Variants in GPATCH2 observed in about 807,000 individuals in gnomAD.
GPATCH2 encodes G-patch domain containing 2.
In GPATCH2, 51 loss-of-function variants were observed where a neutral mutation model predicts 58.0. That is an observed-to-expected ratio of 0.88 (90% CI 0.70 to 1.11). The LOEUF (loss-of-function observed/expected upper bound fraction) is 1.11. Ranked by LOEUF, GPATCH2 falls within the 50% of genes most tolerant of loss-of-function variation. The pLI is 0.00. For synonymous variants in GPATCH2, 222 were observed against 218.5 expected, an observed-to-expected ratio of 1.02 and a Z score of -0.14; for missense variants, 625 against 652.2, an observed-to-expected ratio of 0.96 and a Z score of 0.45.
At position 217,527,287 on chromosome 1, in the gene GPATCH2, C is replaced by G. The variant is rs536876613; in HGVS notation, c.1099-12398G>C. Among the ~76,000 whole-genome samples, 13 of 152,218 alleles carry G rather than the reference C, an allele frequency of 8.5e-5. No homozygotes were observed. The South Asian group carries it at 2.5e-3, about 29-fold the overall frequency. On this transcript the variant is annotated intron_variant, in intron 5 of 9. Transcript: ENST00000366935. ...CTGGTGTCAAAAAGGTTGGAAAGCA[C>G]TGGTTTATAAAGTCGGTCAGGTAGC...
At chr1:217,595,342 A>T (rs1180030747) in intron 5 of GPATCH2, among the ~76,000 whole-genome samples, 1 of 152,214 alleles carries the variant, frequency 6.6e-6, no homozygotes, top group East Asian at 1.9e-4. Flanking sequence ...TGAAAAATTC[A>T]CAAGTAATGT....
chr1:217,629,226 GTCATACA>G (rs748011563), intron 1 of GPATCH2, among the ~76,000 whole-genome samples: 28,167 of 149,036 alleles, frequency 0.19, 2,921 homozygotes, highest in Middle Eastern at 0.24. Flanking sequence ...ATTCCAGATA[GTCATACA>G]GATAGTCATA....
chr1:217,449,127 T>TAC (rs1485654181), intron 9 of GPATCH2, 122 bp downstream of exon 9: 1 of 661,006 alleles, frequency 1.5e-6, no homozygotes, highest in Non-Finnish European at 2.7e-6. Flanking sequence ...TGATTTGTTT[T>TAC]CATAGTTTCT....
chr1:217,623,626 G>C (rs1163479677), intron 1 of GPATCH2, among the ~76,000 whole-genome samples: 3 of 152,126 alleles, frequency 2.0e-5, no homozygotes, highest in Non-Finnish European at 4.4e-5. Context: ...TTTAGGCTGG[G>C]GGCGGTGGCT....
At chr1:217,523,005 CAT>C (rs1433442145) in intron 5 of GPATCH2, among the ~76,000 whole-genome samples, 1 of 151,688 alleles carries the variant, frequency 6.6e-6, no homozygotes, top group African/African-American at 2.4e-5. Context: ...ATCTTGGAAA[CAT>C]AGTAATCCAA....
intron 3 of GPATCH2, 78 bp downstream of exon 3, chr1:217,614,063 T>TATG: frequency 1.2e-6 from 1 of 827,826 alleles, no homozygotes; most frequent in African/African-American, 1.7e-5. Flanking sequence ...GTCATCAACT[T>TATG]ATGAAATAAC....
At chr1:217,432,691 T>A (rs1658598918) in intron 9 of GPATCH2, among the ~76,000 whole-genome samples, 1 of 152,170 alleles carries the variant, frequency 6.6e-6, no homozygotes, top group South Asian at 2.1e-4. Context: ...TTTCTTATGG[T>A]TACTCCCCTT....
Position 217,449,259 on chromosome 1 carries a change from A to T in GPATCH2, c.1356T>A (p.Pro452=). 2 of 1,580,152 alleles carry T rather than the reference A, an allele frequency of 1.3e-6. No homozygotes were observed. Residue 452 remains proline (P), a synonymous_variant, in exon 9 of 10, where the codon CCT becomes CCA. Transcript: ENST00000366935. ...CTGCTTTTGTTTTACCTGCAGTAGT[A>T]GGTCCAGGCAAAGGTGCAGCTTTTC... The part of the protein sequence containing the change: ...RRRKAAPLPG[P]TTAGFVGENA...
intron 8 of GPATCH2, among the ~76,000 whole-genome samples, chr1:217,487,900 G>A (rs1377997317): frequency 2.0e-5 from 3 of 151,968 alleles, no homozygotes; most frequent in African/African-American, 4.8e-5. Context: ...ACACCACCAC[G>A]CCTAGCTAAT....
chr1:217,539,138 T>C (rs941059407), intron 5 of GPATCH2, among the ~76,000 whole-genome samples: 2 of 152,130 alleles, frequency 1.3e-5, no homozygotes, highest in African/African-American at 2.4e-5. Flanking sequence ...ACTACAATTT[T>C]TTCCTTAGTA....
rs555815899 is a variant in GPATCH2, at chr1:217,596,543, G to A, written c.1098+13778C>T. Among the ~76,000 whole-genome samples the A allele has an allele frequency of 4.6e-5, 7 of 152,026 alleles. No individual in the cohort carries two copies. The South Asian group carries it at 1.5e-3, about 32-fold the overall frequency. On this transcript the variant is annotated intron_variant, in intron 5 of 9. Coordinates refer to ENST00000366935, the MANE Select transcript of GPATCH2 (RefSeq NM_018040.5). The stretch of plus-strand genomic sequence containing the variant: ...CATAAAAAGATTAGAATAACACCTG[G>A]CAATTAATAAGAACTCAATAAATGT...
At chr1:217,588,132 A>G (rs908116029) in intron 5 of GPATCH2, among the ~76,000 whole-genome samples, 1 of 152,180 alleles carries the variant, frequency 6.6e-6, no homozygotes, top group Non-Finnish European at 1.5e-5. Context: ...TGAAGACTCT[A>G]TCTTCAATTC....
At chr1:217,579,597 G>C (rs1477828489) in intron 5 of GPATCH2, among the ~76,000 whole-genome samples, 1 of 152,042 alleles carries the variant, frequency 6.6e-6, no homozygotes, top group African/African-American at 2.4e-5. Flanking sequence ...CATAACATTG[G>C]GGTTGACCAA....
chr1:217,609,217 T>A (rs1486717039), intron 5 of GPATCH2: 1 of 982,614 alleles, frequency 1.0e-6, no homozygotes, highest in African/African-American at 1.7e-5. Flanking sequence ...TCCCCCCAGT[T>A]GGTGAAAATG....
chr1:217,523,890 CGGG>C, intron 5 of GPATCH2, among the ~76,000 whole-genome samples: 1 of 113,882 alleles, frequency 8.8e-6, no homozygotes, highest in Admixed American at 8.7e-5. Context: ...GGCGGCTGGC[CGGG>C]CGGGGGGCTG....
In GPATCH2 at chr1:217,476,032, C is replaced by T. The variant is rs376487323; in HGVS notation, c.1277+15648G>A. Reference sequence around the variant, plus strand: ...AGAGAGATGCCACCAAGAAAACTAACTGAGAGGTGTTTAACTTCTGTCAAG... The same window carrying T: ...AGAGAGATGCCACCAAGAAAACTAATTGAGAGGTGTTTAACTTCTGTCAAG... On this transcript the variant is annotated intron_variant, in intron 8 of 9. Coordinates refer to ENST00000366935, the MANE Select transcript of GPATCH2 (RefSeq NM_018040.5). 4.6e-5 allele frequency among the ~76,000 whole-genome samples: 7 copies of T among 152,008 alleles called. No homozygotes were observed. In the East Asian group the frequency reaches 7.7e-4, roughly 17 times the overall value.
intron 2 of GPATCH2, among the ~76,000 whole-genome samples, chr1:217,619,103 A>G (rs1489507456): frequency 6.6e-6 from 1 of 152,196 alleles, no homozygotes; most frequent in Non-Finnish European, 1.5e-5. Context: ...AAGTGTTAAT[A>G]CATTCTCATT....
At chr1:217,443,965 T>A (rs1286819321) in intron 9 of GPATCH2, among the ~76,000 whole-genome samples, 6 of 152,202 alleles carry the variant, frequency 3.9e-5, no homozygotes. Flanking sequence ...GTTTATGAGA[T>A]CGTCATTGGT....
At chr1:217,557,398 A>C (rs1321527519) in intron 5 of GPATCH2, among the ~76,000 whole-genome samples, 2 of 148,802 alleles carry the variant, frequency 1.3e-5, no homozygotes, top group Non-Finnish European at 3.0e-5. Context: ...AACAAGAGTG[A>C]AACCCCATCT....
Sources: allele counts gnomAD v4.1 joint callset (sites outside exome capture counted in the v4.1 genomes callset), GRCh38; gene constraint gnomAD v4.1.1; transcripts MANE v1.5; gene names NCBI Gene and HGNC (gene_info 2026-07-23, HGNC 2026-07-21).